MCC: variants seen among roughly 807,000 people sequenced by gnomAD.
MCC encodes MCC regulator of Wnt signaling pathway.
Under a neutral mutation model 116.2 loss-of-function variants are expected in MCC, and 90 were observed. That is an observed-to-expected ratio of 0.77 (90% CI 0.65 to 0.92). The LOEUF is 0.92. MCC is among the 40% of genes least tolerant of loss of function. The pLI is 0.00. For missense variants in MCC, 1,516 were observed against 1,312.2 expected (o/e 1.16, Z -2.40); for synonymous variants, 578 against 510.5 (o/e 1.13, Z -1.78).
intron 3 of MCC, among the ~76,000 whole-genome samples, chr5:113,268,348 C>T (rs528600423): frequency 5.9e-5 from 9 of 152,330 alleles, no homozygotes; most frequent in East Asian, 3.9e-4. Context: ...GACTAACACA[C>T]GTGCACAGCA....
intron 3 of MCC, among the ~76,000 whole-genome samples, chr5:113,168,689 C>T (rs1760902914): frequency 6.6e-6 from 1 of 152,048 alleles, no homozygotes; most frequent in Non-Finnish European, 1.5e-5. Flanking sequence ...CAGGCCAAAG[C>T]AACTGTGCTT....
intron 3 of MCC, among the ~76,000 whole-genome samples, chr5:113,235,607 G>A (rs1764099607): frequency 6.6e-6 from 1 of 152,216 alleles, no homozygotes; most frequent in Non-Finnish European, 1.5e-5. Flanking sequence ...TGAGGGCACA[G>A]TGCTTCGCAA....
chr5:113,321,411 G>C (rs1273752626), intron 3 of MCC, among the ~76,000 whole-genome samples: 1 of 152,156 alleles, frequency 6.6e-6, no homozygotes, highest in Non-Finnish European at 1.5e-5. Flanking sequence ...GCTAATTTGA[G>C]GGAGGAAAAT....
intron 16 of MCC, among the ~76,000 whole-genome samples, chr5:113,046,022 A>G (rs1179233725): frequency 6.6e-6 from 1 of 152,032 alleles, no homozygotes; most frequent in African/African-American, 2.4e-5. Flanking sequence ...AACAGCTAAG[A>G]CCAGATGAAT....
At chr5:113,201,387 CAAAA>C (rs68052804) in intron 3 of MCC, among the ~76,000 whole-genome samples, 2 of 128,274 alleles carry the variant, frequency 1.6e-5, no homozygotes, top group Non-Finnish European at 1.6e-5. Context: ...ACGCCATCTC[CAAAA>C]AAAAAAAAAA....
chr5:113,094,486 T>A (rs1243087744), intron 8 of MCC, among the ~76,000 whole-genome samples: 1 of 151,136 alleles, frequency 6.6e-6, no homozygotes, highest in Non-Finnish European at 1.5e-5. Context: ...AGTGGCGCGA[T>A]CACGGCTTGC....
chr5:113,474,585 A>T (rs1248151815), intron 1 of MCC, among the ~76,000 whole-genome samples: 1 of 152,168 alleles, frequency 6.6e-6, no homozygotes, highest in Non-Finnish European at 1.5e-5. Flanking sequence ...CTGTTGAAGG[A>T]TTTTAGGAAG....
At chr5:113,368,736 GCTAA>G (rs1768764635) in intron 2 of MCC, among the ~76,000 whole-genome samples, 2 of 152,034 alleles carry the variant, frequency 1.3e-5, no homozygotes, top group Admixed American at 6.5e-5. Flanking sequence ...TGCAGTGGAT[GCTAA>G]CTGAGTGTCC....
rs559792524 is a variant in MCC at position 113,142,358 on chromosome 5, A to T, written c.884+860T>A. Among the ~76,000 whole-genome samples, 5 of 152,024 alleles carry T rather than the reference A, an allele frequency of 3.3e-5. No homozygotes were observed. The South Asian group carries it at 1.0e-3, about 32-fold the overall frequency. Reference sequence around the variant, plus strand: ...CTCAGGCTGTTCCCGGAGCATCGCCAGGAACATGAAAATGCTCTCATCCAC... The same window carrying T: ...CTCAGGCTGTTCCCGGAGCATCGCCTGGAACATGAAAATGCTCTCATCCAC... On this transcript the variant is annotated intron_variant, in intron 5 of 18. Coordinates refer to ENST00000408903, the MANE Select transcript of MCC (RefSeq NM_001085377.2).
chr5:113,050,842 C>T (rs1037039553), intron 15 of MCC, among the ~76,000 whole-genome samples: 1 of 152,256 alleles, frequency 6.6e-6, no homozygotes, highest in Non-Finnish European at 1.5e-5. Context: ...TCAGGCCCTC[C>T]ACCCGGGGGC....
rs544980988 is a variant in MCC at position 113,220,981 on chromosome 5, T to C, written c.628-69559A>G. 4.0e-4 allele frequency among the ~76,000 whole-genome samples: 61 copies of C among 152,272 alleles called. No individual in the cohort carries two copies. In the South Asian group the frequency reaches 6.2e-3, roughly 16 times the overall value. Reference sequence around the variant, plus strand: ...ACTTTTGGAGAGCAAGGCGTGTGGATTGCTTGAGCCCAGGAGTTCAAGACC... The same window carrying C: ...ACTTTTGGAGAGCAAGGCGTGTGGACTGCTTGAGCCCAGGAGTTCAAGACC... On this transcript the variant is annotated intron_variant, in intron 3 of 18. Coordinates refer to ENST00000408903, the MANE Select transcript of MCC (RefSeq NM_001085377.2).
intron 3 of MCC, among the ~76,000 whole-genome samples, chr5:113,275,635 A>G (rs914995894): frequency 2.0e-5 from 3 of 152,200 alleles, no homozygotes; most frequent in Non-Finnish European, 4.4e-5. Context: ...TACCAACCAT[A>G]GATCAAAAAT....
At chr5:113,154,897 C>A (rs973753041) in intron 3 of MCC, among the ~76,000 whole-genome samples, 3 of 152,140 alleles carry the variant, frequency 2.0e-5, no homozygotes, top group Non-Finnish European at 4.4e-5. Flanking sequence ...GTGCTAGGAA[C>A]ATTTCAAATC....
At chr5:113,173,158 C>T (rs1761160487) in intron 3 of MCC, among the ~76,000 whole-genome samples, 1 of 152,078 alleles carries the variant, frequency 6.6e-6, no homozygotes. Context: ...TATGTAGCTT[C>T]CATAAACCTT....
At chr5:113,270,238 T>C (rs1277612646) in intron 3 of MCC, among the ~76,000 whole-genome samples, 3 of 152,150 alleles carry the variant, frequency 2.0e-5, no homozygotes, top group Non-Finnish European at 4.4e-5. Flanking sequence ...AGGAATGTAA[T>C]AGTTCTAAGT....
At chr5:113,403,497 C>A (rs535275764) in intron 1 of MCC, among the ~76,000 whole-genome samples, 7 of 152,180 alleles carry the variant, frequency 4.6e-5, no homozygotes, top group Non-Finnish European at 1.0e-4. Flanking sequence ...AGGGGCTCTT[C>A]ATGTTTCAGA....
intron 3 of MCC, among the ~76,000 whole-genome samples, chr5:113,172,028 G>A (rs1008885787): frequency 6.6e-6 from 1 of 152,122 alleles, no homozygotes; most frequent in African/African-American, 2.4e-5. Flanking sequence ...GCACTGAGGG[G>A]GAAAAGAACT....
intron 3 of MCC, among the ~76,000 whole-genome samples, chr5:113,312,031 G>T (rs1335053383): frequency 6.6e-6 from 1 of 152,136 alleles, no homozygotes; most frequent in Non-Finnish European, 1.5e-5. Context: ...GCTTGAAACC[G>T]GGCGGCAGAG....
At chr5:113,075,853 C>G (rs764090627) in intron 11 of MCC, among the ~76,000 whole-genome samples, 1 of 152,148 alleles carries the variant, frequency 6.6e-6, no homozygotes, top group Non-Finnish European at 1.5e-5. Flanking sequence ...TAACACTCAA[C>G]GTGAAGGTCT....
Sources: allele counts gnomAD v4.1 joint callset (sites outside exome capture counted in the v4.1 genomes callset), GRCh38; gene constraint gnomAD v4.1.1; transcripts MANE v1.5; gene names NCBI Gene and HGNC (gene_info 2026-07-23, HGNC 2026-07-21).